Variants in PCDHGA7 observed in about 807,000 individuals in gnomAD.
PCDHGA7 encodes the protein protocadherin gamma-A7.
Under a neutral mutation model 58.3 loss-of-function variants are expected in PCDHGA7, and 44 were observed. That is an observed-to-expected ratio of 0.75 (90% CI 0.59 to 0.97). The LOEUF is 0.97. PCDHGA7 is among the 50% of genes least tolerant of loss of function. PCDHGA7 has a pLI of 0.00. For synonymous variants in PCDHGA7, 516 were observed against 504.2 expected (o/e 1.02, Z -0.31); for missense variants, 1,266 against 1,188.7 (o/e 1.06, Z -0.96).
chr5:141,393,937 A>T, intron 1 of PCDHGA7: 1 of 1,613,906 alleles, frequency 6.2e-7, no homozygotes, highest in Non-Finnish European at 8.5e-7. Context: ...CATGACCAAG[A>T]CTCTGGAAAG....
chr5:141,421,515 CTG>C, intron 1 of PCDHGA7: 1 of 1,614,080 alleles, frequency 6.2e-7, no homozygotes, highest in Non-Finnish European at 8.5e-7. Context: ...GGGAGGAGCT[CTG>C]TGAGACGGTG....
intron 1 of PCDHGA7, among the ~76,000 whole-genome samples, chr5:141,448,700 G>A (rs2098601460): frequency 6.6e-6 from 1 of 152,106 alleles, no homozygotes; most frequent in African/African-American, 2.4e-5. Context: ...CAGCACTTTG[G>A]GAGGCCGAGG....
intron 1 of PCDHGA7, among the ~76,000 whole-genome samples, chr5:141,465,335 T>C (rs1222292569): frequency 6.6e-6 from 1 of 152,186 alleles, no homozygotes; most frequent in African/African-American, 2.4e-5. Context: ...ATTTTTTATA[T>C]TGGTTACTGA....
chr5:141,417,980 C>G lies in PCDHGA7; in HGVS notation c.2424+32657C>G, dbSNP rs905203424. On this transcript the variant is annotated intron_variant, in intron 1 of 3. Coordinates refer to ENST00000518325, the MANE Select transcript of PCDHGA7 (RefSeq NM_018920.4). ...GATCCGCTACTCGATTCCGGAGGAG[C>G]TGGCCAAGGGCTCGGTGGTGGGGAA... is the stretch of plus-strand genomic sequence containing the variant. The G allele has an allele frequency of 1.9e-6, 3 of 1,613,738 alleles. No individual in the cohort carries two copies. In the African/African-American group the frequency reaches 4.0e-5, roughly 22 times the overall value.
chr5:141,388,769 C>T (rs1216196772), intron 1 of PCDHGA7: 23 of 1,613,914 alleles, frequency 1.4e-5, no homozygotes, highest in Non-Finnish European at 1.9e-5. Flanking sequence ...TGAACTCTAA[C>T]ACCGGGGAAA....
chr5:141,414,785 C>A, intron 1 of PCDHGA7: 1 of 1,614,232 alleles, frequency 6.2e-7, no homozygotes, highest in Non-Finnish European at 8.5e-7. Context: ...ATGCAGGTGA[C>A]AGCCAGCGAC....
intron 1 of PCDHGA7, 143 bp from the exon 2 acceptor site, chr5:141,494,664 A>T: frequency 6.7e-7 from 1 of 1,500,298 alleles, no homozygotes; most frequent in Non-Finnish European, 8.9e-7. Flanking sequence ...GTCTTTGGAG[A>T]TGAGTCCACC....
chr5:141,393,533 G>T (rs1475648389), intron 1 of PCDHGA7: 2 of 1,613,950 alleles, frequency 1.2e-6, no homozygotes, highest in South Asian at 1.1e-5. Flanking sequence ...ACAATGCCCC[G>T]GTTTTTCCTC....
At chr5:141,457,230 A>G (rs1248092452) in intron 1 of PCDHGA7, among the ~76,000 whole-genome samples, 2 of 152,174 alleles carry the variant, frequency 1.3e-5, no homozygotes, top group African/African-American at 4.8e-5. Flanking sequence ...GGTAATTTCC[A>G]TCTAAAATTT....
Position 141,491,730 on chromosome 5 carries a change from C to G in PCDHGA7, c.2425-3077C>G, listed in dbSNP as rs1346666614. 1 of 1,603,920 alleles carries G rather than the reference C, an allele frequency of 6.2e-7. No homozygotes were observed. Among genetic ancestry groups the G allele is most frequent in the Non-Finnish European group, 8.5e-7 (1 of 1,175,836 alleles). ...GGGGCTCGGCGCCGCCCCGGGCGAC[C>G]CCTGGGGGCGGCACTGGAGAAGCCG... On this transcript the variant is annotated intron_variant, in intron 1 of 3. Coordinates refer to ENST00000518325, the MANE Select transcript of PCDHGA7 (RefSeq NM_018920.4). The surrounding 1 kb of genome is among the most constrained non-coding windows in gnomAD (Gnocchi z 6.9).
At chr5:141,391,149 G>C (rs1487749660) in intron 1 of PCDHGA7, 1 of 152,032 alleles carries the variant, frequency 6.6e-6, no homozygotes, top group Non-Finnish European at 1.5e-5. Context: ...CTCTAGGAAA[G>C]AAATATAGTC....
chr5:141,419,692 C>T (rs2096416788), intron 1 of PCDHGA7: 15 of 1,612,780 alleles, frequency 9.3e-6, no homozygotes, highest in Non-Finnish European at 1.3e-5. Context: ...TGGTGCAGGC[C>T]AGTGAGCCCG....
intron 3 of PCDHGA7, among the ~76,000 whole-genome samples, chr5:141,508,930 T>A (rs2099873149): frequency 6.6e-6 from 1 of 151,836 alleles, no homozygotes; most frequent in African/African-American, 2.4e-5. Context: ...CTTTTGGAGT[T>A]AATTAGGGAA....
intron 1 of PCDHGA7, chr5:141,391,093 C>A (rs1473023690): frequency 6.6e-6 from 1 of 152,148 alleles, no homozygotes; most frequent in Non-Finnish European, 1.5e-5. Flanking sequence ...GCCTTATCTG[C>A]AGCCCTAAAC....
At chr5:141,452,948 G>A (rs2098752873) in intron 1 of PCDHGA7, among the ~76,000 whole-genome samples, 1 of 152,134 alleles carries the variant, frequency 6.6e-6, no homozygotes, top group African/African-American at 2.4e-5. Context: ...CTTGCAATTG[G>A]TTGTCTTTAA....
chr5:141,431,547 T>TA lies in PCDHGA7; in HGVS notation c.2424+46225dup. On this transcript the variant is annotated intron_variant, in intron 1 of 3. Transcript: ENST00000518325. The surrounding 1 kb of genome is among the most constrained non-coding windows in gnomAD (Gnocchi z 4.8). ...CTGGCCTTGGGCACGCAGCTGCTTG[T>TA]AGTCAACGCTACCGACCCTGACGAA... 6.2e-7 allele frequency: 1 copy of TA among 1,614,096 alleles called. No individual in the cohort carries two copies. The highest frequency in any genetic ancestry group is 8.5e-7 in the Non-Finnish European group (1 of 1,180,022).
rs371350905 is a variant in PCDHGA7 at position 141,476,860 on chromosome 5, G to A, written c.2425-17947G>A. The A allele has an allele frequency of 6.7e-5, 108 of 1,613,762 alleles. No individual in the cohort carries two copies. The highest frequency in any genetic ancestry group is 1.6e-4 in the East Asian group (7 of 44,884). ...ATGCGCCTGTCTTCAACCAGTCCTT[G>A]TACCGGGCGCGCGTCCTGGAGGATG... is the stretch of plus-strand genomic sequence containing the variant. On this transcript the variant is annotated intron_variant, in intron 1 of 3. Transcript: ENST00000518325. This position sits in a 1 kb window ranked among gnomAD's most constrained non-coding sequence, Gnocchi z 7.6.
chr5:141,423,753 G>A (rs758300730), intron 1 of PCDHGA7: 1 of 626,096 alleles, frequency 1.6e-6, no homozygotes, highest in Non-Finnish European at 2.0e-6. Context: ...AACTGTTTGG[G>A]GGGGGGGTGG....
chr5:141,390,486 G>GT (rs2092161053), intron 1 of PCDHGA7: 4 of 649,376 alleles, frequency 6.2e-6, no homozygotes, highest in Non-Finnish European at 7.7e-6. Flanking sequence ...ACATTTGTTT[G>GT]TTTTTTAGCC....
Sources: allele counts gnomAD v4.1 joint callset (sites outside exome capture counted in the v4.1 genomes callset), GRCh38; gene constraint gnomAD v4.1.1; non-coding constraint Gnocchi (gnomAD v3.1); transcripts MANE v1.5; gene names NCBI Gene and HGNC (gene_info 2026-07-23, HGNC 2026-07-21).